DCC: variants seen among roughly 807,000 people sequenced by gnomAD.
DCC encodes the protein DCC netrin 1 receptor.
DCC carries 58 observed loss-of-function variants against 172.5 expected under a neutral mutation model. The ratio of observed to expected loss-of-function variants is 0.34; its 90% confidence interval spans 0.27 to 0.42. DCC has a LOEUF of 0.42. Ranked by LOEUF, DCC falls within the 10% of genes least tolerant of loss-of-function variation. The probability of loss-of-function intolerance (pLI) is 1.00; values close to 1 mark genes in which losing one functional copy is unlikely to be tolerated. For synonymous variants in DCC, 709 were observed against 644.5 expected (o/e 1.10, Z -1.52); for missense variants, 1,740 against 1,791.0 (o/e 0.97, Z 0.51).
chr18:53,226,934 G>GTATGTATATATATATATA (rs1555734407), intron 12 of DCC, among the ~76,000 whole-genome samples: 3 of 68,160 alleles, frequency 4.4e-5, no homozygotes, highest in Admixed American at 1.8e-4. Flanking sequence ...GTGTGTGTGT[G>GTATGTATATATATATATA]TATATATATA....
chr18:53,396,067 C>A (rs957733236), intron 17 of DCC, among the ~76,000 whole-genome samples: 3 of 150,788 alleles, frequency 2.0e-5, no homozygotes, highest in Non-Finnish European at 4.4e-5. Context: ...ATGAAATATA[C>A]AATTTTCATA....
At chr18:52,725,239 T>C (rs2036534221) in intron 1 of DCC, among the ~76,000 whole-genome samples, 1 of 152,150 alleles carries the variant, frequency 6.6e-6, no homozygotes, top group Non-Finnish European at 1.5e-5. Flanking sequence ...AGTTGGTGTG[T>C]GCCAGGGTCA....
chr18:52,990,978 A>G (rs2041379947), intron 5 of DCC, among the ~76,000 whole-genome samples: 1 of 152,202 alleles, frequency 6.6e-6, no homozygotes, highest in African/African-American at 2.4e-5. Flanking sequence ...TGACGAGGGC[A>G]TTGAGCCAAG....
intron 12 of DCC, among the ~76,000 whole-genome samples, chr18:53,291,040 C>G (rs2056997760): frequency 6.6e-6 from 1 of 151,938 alleles, no homozygotes. Flanking sequence ...TGGTGGCAGG[C>G]TCCTGTAATC....
chr18:52,791,277 C>T (rs1331281950), intron 2 of DCC, among the ~76,000 whole-genome samples: 2 of 152,116 alleles, frequency 1.3e-5, no homozygotes. Context: ...AAACAAGCCA[C>T]TTTTTCTTTA....
chr18:53,251,336 G>T (rs1035705981), intron 12 of DCC, among the ~76,000 whole-genome samples: 5 of 151,762 alleles, frequency 3.3e-5, no homozygotes, highest in African/African-American at 4.8e-5. Context: ...TGTTTTGAAC[G>T]TACCTTCTTA....
intron 7 of DCC, among the ~76,000 whole-genome samples, chr18:53,111,106 G>T (rs1264637791): frequency 1.3e-5 from 2 of 149,868 alleles, no homozygotes; most frequent in African/African-American, 4.9e-5. Flanking sequence ...GTAGGGACAT[G>T]GATGAAATTG....
intron 5 of DCC, among the ~76,000 whole-genome samples, chr18:53,021,176 A>T (rs1387065430): frequency 6.6e-6 from 1 of 152,180 alleles, no homozygotes; most frequent in Non-Finnish European, 1.5e-5. Context: ...TATGGCGAAG[A>T]CAGAGGTTGG....
At chr18:52,674,234 C>T (rs1429337930) in intron 1 of DCC, among the ~76,000 whole-genome samples, 2 of 152,122 alleles carry the variant, frequency 1.3e-5, no homozygotes, top group Non-Finnish European at 2.9e-5. Flanking sequence ...TTTCCATTTG[C>T]AAGCTGGAGA....
At chr18:52,508,989 T>G (rs990714305) in intron 1 of DCC, among the ~76,000 whole-genome samples, 1 of 152,236 alleles carries the variant, frequency 6.6e-6, no homozygotes, top group Non-Finnish European at 1.5e-5. Context: ...GGTCTTCAAT[T>G]TTATTTCACT....
intron 1 of DCC, among the ~76,000 whole-genome samples, chr18:52,458,921 TTA>T (rs1988542898): frequency 6.6e-6 from 1 of 152,188 alleles, no homozygotes. Context: ...ACTAGAATAA[TTA>T]TGTCGCTTGA....
At chr18:53,090,387 A>G (rs1568298125) in intron 7 of DCC, among the ~76,000 whole-genome samples, 1 of 152,032 alleles carries the variant, frequency 6.6e-6, no homozygotes, top group Non-Finnish European at 1.5e-5. Flanking sequence ...ATGTGGAAGA[A>G]CTAGCATTTT....
chr18:52,358,417 C>T lies in DCC; in HGVS notation c.91+17539C>T, dbSNP rs187183945. On this transcript the variant is annotated intron_variant, in intron 1 of 28. Transcript: ENST00000442544. ...TTGAGAGAACAAAGACAAGATATTC[C>T]GCCTTTTTTGTGCCTTTGTTTCTTC... Among the ~76,000 whole-genome samples the T allele has an allele frequency of 1.4e-4, 21 of 152,246 alleles. No individual in the cohort carries two copies. In the East Asian group the frequency reaches 1.5e-3, roughly 11 times the overall value.
At chr18:53,454,362 C>A (rs76202905) in intron 23 of DCC, among the ~76,000 whole-genome samples, 4,413 of 152,172 alleles carry the variant, frequency 0.029, 235 homozygotes, top group African/African-American at 0.1. Context: ...AAAAAAGAAA[C>A]AAAACTTAAG....
At chr18:52,471,336 A>G (rs970428598) in intron 1 of DCC, among the ~76,000 whole-genome samples, 4 of 152,206 alleles carry the variant, frequency 2.6e-5, no homozygotes, top group Non-Finnish European at 4.4e-5. Flanking sequence ...TATCTCAAAA[A>G]ATATAAATAA....
rs1286658057 is a variant in DCC, at chr18:52,846,033, GT to G, written c.413-60008del. Among the ~76,000 whole-genome samples the G allele has an allele frequency of 2.6e-5, 4 of 152,270 alleles. No homozygotes were observed. In the East Asian group the frequency reaches 5.8e-4, roughly 22 times the overall value. On this transcript the variant is annotated intron_variant, in intron 2 of 28. Coordinates refer to ENST00000442544, the MANE Select transcript of DCC (RefSeq NM_005215.4). ...CAGTCTAATGTTCTTCCAGTTTTTT[GT>G]TTAATAGAAGCAATGGTAAATGGCA...
chr18:53,127,646 A>G (rs1460095465), intron 7 of DCC, among the ~76,000 whole-genome samples: 1 of 152,176 alleles, frequency 6.6e-6, no homozygotes, highest in African/African-American at 2.4e-5. Flanking sequence ...ATAAAAGCTT[A>G]GCCACTAGAA....
chr18:53,480,405 G>T (rs2045817988), intron 25 of DCC, among the ~76,000 whole-genome samples: 1 of 152,090 alleles, frequency 6.6e-6, no homozygotes, highest in African/African-American at 2.4e-5. Flanking sequence ...GACAAAACAA[G>T]AACTTGAACT....
At chr18:52,628,930 C>T (rs919562971) in intron 1 of DCC, among the ~76,000 whole-genome samples, 5 of 152,130 alleles carry the variant, frequency 3.3e-5, no homozygotes, top group African/African-American at 7.2e-5. Context: ...GATGACACAC[C>T]GGCAATCTTT....
Sources: gnomAD v4.1 joint callset for allele counts (sites outside exome capture counted in the v4.1 genomes callset) on GRCh38, gnomAD v4.1.1 for gene constraint, MANE v1.5 for transcripts, NCBI Gene and HGNC (gene_info 2026-07-23, HGNC 2026-07-21) for gene names.